Variants in NBR1 observed in about 807,000 individuals in gnomAD.
The protein encoded by NBR1 is next to BRCA1 gene 1 protein.
NBR1 carries 59 observed loss-of-function variants against 115.5 expected under a neutral mutation model. The observed-to-expected ratio is 0.51, with a 90% CI of 0.41 to 0.63. The LOEUF is 0.63. NBR1 is among the 30% of genes least tolerant of loss of function. NBR1 has a pLI of 0.00. For missense variants in NBR1, 1,043 were observed against 1,150.5 expected (o/e 0.91, Z 1.35); for synonymous variants, 373 against 414.7 (o/e 0.90, Z 1.22).
At chr17:43,185,596 G>A (rs568550595) in intron 5 of NBR1, among the ~76,000 whole-genome samples, 2 of 152,286 alleles carry the variant, frequency 1.3e-5, no homozygotes, top group Admixed American at 6.5e-5. Flanking sequence ...AGCTACCCGG[G>A]AGGCTGAGGT....
In NBR1 at chr17:43,210,109, C is replaced by T. The variant is rs751269591; in HGVS notation, c.*35C>T. On this transcript the variant is annotated 3_prime_UTR_variant, in exon 21 of 21. Coordinates refer to ENST00000590996, the MANE Select transcript of NBR1 (RefSeq NM_005899.5). Reference sequence around the variant, plus strand: ...TTGTATTAAATAACTGCCTGCTGCTCAGAGATGATCTTTATTCTGTCATTG... The same window carrying T: ...TTGTATTAAATAACTGCCTGCTGCTTAGAGATGATCTTTATTCTGTCATTG... 2 of 1,576,286 alleles carry T rather than the reference C, an allele frequency of 1.3e-6. No individual in the cohort carries two copies. Among genetic ancestry groups the T allele is most frequent in the Admixed American group, 3.7e-5 (2 of 54,462 alleles).
Position 43,210,502 on chromosome 17 carries a change from C to G in NBR1, c.*428C>G, listed in dbSNP as rs2154582519. 2.5e-6 allele frequency: 1 copy of G among 397,424 alleles called. No homozygotes were observed. The highest frequency in any genetic ancestry group is 6.3e-4 in the Middle Eastern group (1 of 1,584). 24.6% of individuals were successfully genotyped at this position (397,424 alleles called of 1,614,324 possible). A position where few individuals can be genotyped will look rare whatever the true frequency, so the allele number is the denominator to read the frequency against. Reference sequence around the variant, plus strand: ...GTTTTTAAGAATTATTCTCATAATTCTTATTCTCATAATTTCTGTAATCCA... The same window carrying G: ...GTTTTTAAGAATTATTCTCATAATTGTTATTCTCATAATTTCTGTAATCCA... On this transcript the variant is annotated 3_prime_UTR_variant, in exon 21 of 21. Transcript: ENST00000590996.
intron 9 of NBR1, 56 bp from the exon 10 acceptor site, chr17:43,191,315 AT>A: frequency 6.7e-6 from 9 of 1,343,796 alleles, no homozygotes; most frequent in Non-Finnish European, 8.3e-6. Flanking sequence ...TTGGCTCCAC[AT>A]AGCTTCAGAA....
chr17:43,177,022 G>A (rs1319503125), intron 2 of NBR1, among the ~76,000 whole-genome samples: 1 of 152,114 alleles, frequency 6.6e-6, no homozygotes, highest in Non-Finnish European at 1.5e-5. Context: ...TAGAATCCCA[G>A]CACTTTGGGA....
chr17:43,188,742 T>A (rs1240545118), intron 6 of NBR1, among the ~76,000 whole-genome samples: 2 of 152,226 alleles, frequency 1.3e-5, no homozygotes, highest in African/African-American at 4.8e-5. Context: ...CCTGTTTCAG[T>A]CTATCCAATT....
At chr17:43,196,733 C>T in intron 15 of NBR1, 142 bp downstream of exon 15, 1 of 849,918 alleles carries the variant, frequency 1.2e-6, no homozygotes, top group South Asian at 1.6e-5. Flanking sequence ...AGTCTCCTCA[C>T]CTTCACATGG....
At chr17:43,191,635 T>A (rs2056949222) in intron 10 of NBR1, 54 bp downstream of exon 10, 2 of 1,268,826 alleles carry the variant, frequency 1.6e-6, no homozygotes, top group African/African-American at 3.0e-5. Context: ...TCTCTGAAAC[T>A]GGAACTTCAA....
intron 5 of NBR1, among the ~76,000 whole-genome samples, chr17:43,185,680 A>T (rs2056783050): frequency 6.6e-6 from 1 of 152,128 alleles, no homozygotes; most frequent in African/African-American, 2.4e-5. Context: ...TGACAGAGCA[A>T]ATTGCCATCT....
intron 20 of NBR1, among the ~76,000 whole-genome samples, chr17:43,205,653 G>A (rs1011012636): frequency 1.3e-5 from 2 of 152,058 alleles, no homozygotes; most frequent in Admixed American, 6.6e-5. Flanking sequence ...AAGGCTGGTC[G>A]ATTATTTGCG....
Position 43,186,345 on chromosome 17 carries a change from A to G in NBR1, c.303A>G (p.Arg101=), listed in dbSNP as rs1372652692. 1 of 1,598,762 alleles carries G rather than the reference A, an allele frequency of 6.3e-7. No homozygotes were observed. The highest frequency in any genetic ancestry group is 1.1e-5 in the South Asian group (1 of 88,114). Reference sequence around the variant, plus strand: ...CACCCCCAGTTGTAGGAGCAAAACGACTAGCTGCCAGGGCAGGGAAGAAGC... The same window carrying G: ...CACCCCCAGTTGTAGGAGCAAAACGGCTAGCTGCCAGGGCAGGGAAGAAGC... The part of the protein sequence containing the change: ...EAPPPVVGAK[R]LAARAGKKPL... The change falls in exon 6 of 21, where the codon CGA becomes CGG. Residue 101 remains arginine, a synonymous_variant. Coordinates refer to ENST00000590996, the MANE Select transcript of NBR1 (RefSeq NM_005899.5).
Position 43,191,559 on chromosome 17 carries a change from T to A in NBR1, c.1051T>A (p.Leu351Met). 6.2e-7 allele frequency: 1 copy of A among 1,612,418 alleles called. No homozygotes were observed. The highest frequency in any genetic ancestry group is 8.5e-7 in the Non-Finnish European group (1 of 1,179,240). Residue 351 changes from leucine to methionine, a missense_variant, in exon 10 of 21, where the codon TTG becomes ATG. Leu to Met is a conservative substitution (Grantham distance 15). Coordinates refer to ENST00000590996, the MANE Select transcript of NBR1 (RefSeq NM_005899.5). The stretch of plus-strand genomic sequence containing the variant: ...GTCTCCTTTAGGCCGACCTGAGAGC[T>A]TGCTCCAGTCTAATACCCTGATGTA... ...PKSPLGRPES[L>M]LQSNTLMLPL...
intron 2 of NBR1, chr17:43,176,324 A>G: frequency 6.5e-6 from 1 of 154,624 alleles, no homozygotes; most frequent in Non-Finnish European, 1.4e-5. Flanking sequence ...TTGCTAGGTC[A>G]GAGGTTGAGT....
At chr17:43,195,526 C>T (rs1207587442) in intron 14 of NBR1, 1 of 177,210 alleles carries the variant, frequency 5.6e-6, no homozygotes, top group East Asian at 1.9e-4. Context: ...TGGCACATGC[C>T]TGTAATCCGA....
At chr17:43,183,957 G>A (rs942539601) in intron 5 of NBR1, among the ~76,000 whole-genome samples, 2 of 152,112 alleles carry the variant, frequency 1.3e-5, no homozygotes, top group African/African-American at 4.8e-5. Context: ...ACTGTACCCA[G>A]CTACCACACC....
intron 3 of NBR1, 76 bp from the exon 4 acceptor site, chr17:43,179,318 G>T (rs2056605545): frequency 7.3e-7 from 1 of 1,378,596 alleles, no homozygotes; most frequent in Non-Finnish European, 1.0e-6. Flanking sequence ...TCTGTCCTAT[G>T]GGGCTGGTCC....
intron 20 of NBR1, among the ~76,000 whole-genome samples, chr17:43,207,577 A>G (rs1407405514): frequency 1.3e-5 from 2 of 152,134 alleles, no homozygotes; most frequent in Non-Finnish European, 2.9e-5. Flanking sequence ...GCCTAGGGCA[A>G]CTAACTCCTG....
intron 1 of NBR1, among the ~76,000 whole-genome samples, chr17:43,173,410 C>T (rs560133707): frequency 2.0e-5 from 3 of 152,306 alleles, no homozygotes; most frequent in Non-Finnish European, 4.4e-5. Flanking sequence ...GCCTCAGCCT[C>T]CTGAGTAGCT....
chr17:43,182,762 G>A (rs1299979460), intron 5 of NBR1, among the ~76,000 whole-genome samples: 2 of 151,552 alleles, frequency 1.3e-5, no homozygotes, highest in Admixed American at 1.3e-4. Context: ...CCCATTGAAT[G>A]CTTTTTTTCT....
chr17:43,189,155 T>G, intron 7 of NBR1, 36 bp downstream of exon 7: 4 of 1,422,698 alleles, frequency 2.8e-6, no homozygotes, highest in Non-Finnish European at 4.0e-6. Flanking sequence ...TTAACTGCGG[T>G]GTTGGCACAG....
Sources: gnomAD v4.1 joint callset for allele counts (sites outside exome capture counted in the v4.1 genomes callset) on GRCh38, gnomAD v4.1.1 for gene constraint, MANE v1.5 for transcripts, NCBI Gene and HGNC (gene_info 2026-07-23, HGNC 2026-07-21) for gene names.